The following EPHB2 variants were observed in gnomAD, a reference collection of about 807,000 sequenced individuals.
The protein encoded by EPHB2 is EPH receptor B2.
A neutral mutation model predicts 96.4 loss-of-function variants in EPHB2; 18 were observed. That is an observed-to-expected ratio of 0.19 (90% CI 0.13 to 0.28). The LOEUF (loss-of-function observed/expected upper bound fraction) is 0.28. Ranked by LOEUF, EPHB2 falls within the 10% of genes least tolerant of loss-of-function variation. EPHB2 has a pLI of 1.00. For missense variants in EPHB2, 989 were observed against 1,355.4 expected, an observed-to-expected ratio of 0.73 and a Z score of 4.25; for synonymous variants, 506 against 534.1, an observed-to-expected ratio of 0.95 and a Z score of 0.72.
In EPHB2 at chr1:22,921,108, G is replaced by A. The variant is rs1288962530; in HGVS notation, c.*7538G>A. 6.6e-6 allele frequency: 1 copy of A among 152,438 alleles called. No individual in the cohort carries two copies. The highest frequency in any genetic ancestry group is 1.5e-5 in the Non-Finnish European group (1 of 68,258). The allele number at this position is 152,438 out of a possible 1,614,324, so 9.4% of individuals were successfully genotyped here. A position where few individuals can be genotyped will look rare whatever the true frequency, so the allele number is the denominator to read the frequency against. The stretch of plus-strand genomic sequence containing the variant: ...GGGGGGGCACTGTGGCACCCTCTTT[G>A]AGCGTGGCCTCCCTGGAGCTGCTGT... On this transcript the variant is annotated 3_prime_UTR_variant, in exon 16 of 16. Coordinates refer to ENST00000374630, the MANE Select transcript of EPHB2 (RefSeq NM_017449.5).
intron 3 of EPHB2, among the ~76,000 whole-genome samples, chr1:22,853,630 AC>A (rs1159158428): frequency 1.3e-5 from 2 of 152,250 alleles, no homozygotes; most frequent in Non-Finnish European, 2.9e-5. Flanking sequence ...GGGAGCTGGG[AC>A]AGCATATGAG....
chr1:22,840,784 A>G (rs1298826704), intron 3 of EPHB2, among the ~76,000 whole-genome samples: 1 of 152,208 alleles, frequency 6.6e-6, no homozygotes, highest in Admixed American at 6.5e-5. Flanking sequence ...TAGAACATGG[A>G]AGAATGGAGC....
In EPHB2 at chr1:22,906,210, C is replaced by A; in HGVS notation, c.1888+101C>A. ...GGCAGAAGGTAGGATGTGGGACAGG[C>A]GCCTCAAAGGACCCCCCAAGGCCTG... On this transcript the variant is annotated intron_variant, in intron 10 of 15. Coordinates refer to ENST00000374630, the MANE Select transcript of EPHB2 (RefSeq NM_017449.5). This position sits in a 1 kb window ranked among gnomAD's most constrained non-coding sequence, Gnocchi z 4.8. 6.4e-7 allele frequency: 1 copy of A among 1,568,414 alleles called. No individual in the cohort carries two copies. Among genetic ancestry groups the A allele is most frequent in the Non-Finnish European group, 8.7e-7 (1 of 1,151,284 alleles).
chr1:22,827,341 T>G (rs1645239494), intron 3 of EPHB2, among the ~76,000 whole-genome samples: 1 of 152,212 alleles, frequency 6.6e-6, no homozygotes, highest in Non-Finnish European at 1.5e-5. Flanking sequence ...CCCATCTGTG[T>G]GTGCTCTGCT....
At chr1:22,869,110 C>G (rs1638575932) in intron 5 of EPHB2, among the ~76,000 whole-genome samples, 1 of 152,028 alleles carries the variant, frequency 6.6e-6, no homozygotes, top group Non-Finnish European at 1.5e-5. Context: ...TTTCCCCCTC[C>G]TCTTTATTCC....
At chr1:22,735,433 G>A (rs1438080689) in intron 1 of EPHB2, among the ~76,000 whole-genome samples, 4 of 130,778 alleles carry the variant, frequency 3.1e-5, no homozygotes, top group Admixed American at 7.8e-5. Context: ...AGTGAGACCC[G>A]GTATCAAAAA....
In EPHB2 at chr1:22,860,361, C is replaced by G. The variant is rs1486281411; in HGVS notation, c.812-2676C>G. On this transcript the variant is annotated intron_variant, in intron 3 of 15. Transcript: ENST00000374630. The surrounding 1 kb of genome is among the most constrained non-coding windows in gnomAD (Gnocchi z 4.6). Reference sequence around the variant, plus strand: ...TGGGGGGACAGGGTGGAGAGTGATGCCACTTCCCAGGGCAGAGAAGAGTGA... The same window carrying G: ...TGGGGGGACAGGGTGGAGAGTGATGGCACTTCCCAGGGCAGAGAAGAGTGA... Among the ~76,000 whole-genome samples the G allele has an allele frequency of 6.6e-6, 1 of 152,066 alleles. No individual in the cohort carries two copies. The highest frequency in any genetic ancestry group is 1.9e-4 in the East Asian group (1 of 5,174).
At position 22,906,445 on chromosome 1, in the gene EPHB2, C is replaced by T. The variant is rs549994034; in HGVS notation, c.1889-265C>T. Among the ~76,000 whole-genome samples the T allele has an allele frequency of 2.6e-5, 4 of 152,110 alleles. No homozygotes were observed. Among genetic ancestry groups the T allele is most frequent in the Non-Finnish European group, 5.9e-5 (4 of 68,016 alleles). On this transcript the variant is annotated intron_variant, in intron 10 of 15. Coordinates refer to ENST00000374630, the MANE Select transcript of EPHB2 (RefSeq NM_017449.5). This position sits in a 1 kb window ranked among gnomAD's most constrained non-coding sequence, Gnocchi z 4.8. ...GTATCCCAGTGCCTTTTCCCATCTC[C>T]CAGGTTCCCCTGCACCCTCACCCCC...
intron 3 of EPHB2, among the ~76,000 whole-genome samples, chr1:22,797,274 C>T (rs931994860): frequency 7.2e-5 from 11 of 152,288 alleles, no homozygotes; most frequent in African/African-American, 2.6e-4. Context: ...AGCTCATCAT[C>T]GAGGCCTCCA....
Position 22,905,993 on chromosome 1 carries a change from C to G in EPHB2, c.1772C>G (p.Pro591Arg). 1 of 1,614,212 alleles carries G rather than the reference C, an allele frequency of 6.2e-7. No individual in the cohort carries two copies. The highest frequency in any genetic ancestry group is 8.5e-7 in the Non-Finnish European group (1 of 1,180,040). The part of the protein sequence containing the change: ...LQHYTSGHMT[P>R]GMKIYIDPFT... ...GCCTGGTCTTGTCCCCCAGTGACCCCAGGCATGAAGATCTACATCGATCCT... is the reference window on the plus strand; with the variant it reads ...GCCTGGTCTTGTCCCCCAGTGACCCGAGGCATGAAGATCTACATCGATCCT... The change falls in exon 10 of 16, where the codon CCA (proline) becomes CGA (arginine). Residue 591 changes from proline (P) to arginine (R), a missense_variant. Physicochemically the swap from Pro to Arg is moderately radical, Grantham distance 103. Coordinates refer to ENST00000374630, the MANE Select transcript of EPHB2 (RefSeq NM_017449.5).
At chr1:22,782,530 T>TG (rs1644549459) in intron 2 of EPHB2, among the ~76,000 whole-genome samples, 2 of 151,360 alleles carry the variant, frequency 1.3e-5, no homozygotes, top group Non-Finnish European at 2.9e-5. Flanking sequence ...TGGCTCTTTC[T>TG]TGTCACCAAT....
intron 1 of EPHB2, among the ~76,000 whole-genome samples, chr1:22,771,284 TG>T (rs1644376995): frequency 1.3e-5 from 2 of 152,182 alleles, no homozygotes. Context: ...TATAGGACTC[TG>T]GGAGCCCCAG....
intron 1 of EPHB2, among the ~76,000 whole-genome samples, chr1:22,772,559 G>A (rs774209425): frequency 2.0e-5 from 3 of 152,256 alleles, no homozygotes; most frequent in Non-Finnish European, 4.4e-5. Context: ...CTAGGAGCTA[G>A]TCGGGGGCTT....
chr1:22,846,086 G>A lies in EPHB2; in HGVS notation c.812-16951G>A, dbSNP rs1557709160. Among the ~76,000 whole-genome samples the A allele has an allele frequency of 1.3e-5, 2 of 152,120 alleles. No homozygotes were observed. Among genetic ancestry groups the A allele is most frequent in the Non-Finnish European group, 2.9e-5 (2 of 68,022 alleles). The stretch of plus-strand genomic sequence containing the variant: ...CTGCAGAGGAGCCCAGGATGCCCAG[G>A]TACCTGCTCTGCTGCAAAGGACTTA... On this transcript the variant is annotated intron_variant, in intron 3 of 15. Coordinates refer to ENST00000374630, the MANE Select transcript of EPHB2 (RefSeq NM_017449.5). The surrounding 1 kb of genome is among the most constrained non-coding windows in gnomAD (Gnocchi z 4.3).
At chr1:22,797,915 T>A (rs1159483380) in intron 3 of EPHB2, among the ~76,000 whole-genome samples, 1 of 152,158 alleles carries the variant, frequency 6.6e-6, no homozygotes, top group African/African-American at 2.4e-5. Context: ...TTCAGGTCTC[T>A]GCCCAAATGT....
intron 1 of EPHB2, among the ~76,000 whole-genome samples, chr1:22,757,162 G>A (rs1644164448): frequency 6.6e-6 from 1 of 152,080 alleles, no homozygotes. Flanking sequence ...TGGGTGATAG[G>A]GGGTTGCTTT....
chr1:22,814,525 G>A (rs1557691003), intron 3 of EPHB2, among the ~76,000 whole-genome samples: 1 of 152,156 alleles, frequency 6.6e-6, no homozygotes, highest in South Asian at 2.1e-4. Context: ...TCTGTACCAC[G>A]CTCTGCCCTT....
At chr1:22,827,290 T>C (rs905159505) in intron 3 of EPHB2, among the ~76,000 whole-genome samples, 2 of 152,218 alleles carry the variant, frequency 1.3e-5, no homozygotes, top group African/African-American at 4.8e-5. Flanking sequence ...TCCTCTCTTT[T>C]GTCTTGCATT....
chr1:22,800,604 G>A (rs1000770599), intron 3 of EPHB2, among the ~76,000 whole-genome samples: 1 of 152,194 alleles, frequency 6.6e-6, no homozygotes, highest in Non-Finnish European at 1.5e-5. Context: ...ATCAGCCAGA[G>A]TATTCAGATT....
Sources: allele counts gnomAD v4.1 joint callset (sites outside exome capture counted in the v4.1 genomes callset), GRCh38; gene constraint gnomAD v4.1.1; non-coding constraint Gnocchi (gnomAD v3.1); transcripts MANE v1.5; gene names NCBI Gene and HGNC (gene_info 2026-07-23, HGNC 2026-07-21).